The following LIN54 variants were observed in gnomAD, a reference collection of about 807,000 sequenced individuals.
LIN54 encodes the protein lin-54 DREAM MuvB core complex component.
Under a neutral mutation model 78.7 loss-of-function variants are expected in LIN54, and 9 were observed. The ratio of observed to expected loss-of-function variants is 0.11; its 90% CI spans 0.07 to 0.20. The LOEUF (loss-of-function observed/expected upper bound fraction) is 0.20, where lower values mean the gene tolerates loss of function less well. LIN54 is among the 10% of genes least tolerant of loss of function. The probability of loss-of-function intolerance (pLI) is 1.00; values close to 1 mark genes in which losing one functional copy is unlikely to be tolerated. For synonymous variants in LIN54, 269 were observed against 318.4 expected, an observed-to-expected ratio of 0.84 and a Z score of 1.65; for missense variants, 573 against 889.9, an observed-to-expected ratio of 0.64 and a Z score of 4.53.
At chr4:83,009,601 T>C (rs866383909) in intron 1 of LIN54, among the ~76,000 whole-genome samples, 1 of 152,310 alleles carries the variant, frequency 6.6e-6, no homozygotes, top group Middle Eastern at 3.4e-3. Flanking sequence ...GATAACCTAA[T>C]AAAACAGTGG....
At chr4:82,987,685 C>T (rs1727292451) in intron 1 of LIN54, among the ~76,000 whole-genome samples, 1 of 152,184 alleles carries the variant, frequency 6.6e-6, no homozygotes, top group African/African-American at 2.4e-5. Flanking sequence ...CCAGTTTCAT[C>T]CATGTCTCTG....
intron 4 of LIN54, among the ~76,000 whole-genome samples, chr4:82,968,149 TCTC>T (rs1374647062): frequency 1.3e-5 from 2 of 152,014 alleles, no homozygotes; most frequent in East Asian, 1.9e-4. Flanking sequence ...TTCAAGCAAT[TCTC>T]CTGCCTCAGC....
chr4:82,962,829 G>C (rs1254438221), intron 4 of LIN54, among the ~76,000 whole-genome samples: 3 of 151,550 alleles, frequency 2.0e-5, no homozygotes, highest in African/African-American at 7.3e-5. Flanking sequence ...AAACAATTGA[G>C]CATCCAAGAG....
Position 83,010,800 on chromosome 4 carries a change from G to A in LIN54, c.-349C>T. 3 of 1,233,672 alleles carry A rather than the reference G, an allele frequency of 2.4e-6. No homozygotes were observed. The highest frequency in any genetic ancestry group is 6.3e-5 in the East Asian group (2 of 31,692). 76.4% of individuals were successfully genotyped at this position (1,233,672 alleles called of 1,614,324 possible). A position where few individuals can be genotyped will look rare whatever the true frequency, so the allele number is the denominator to read the frequency against. On this transcript the variant is annotated 5_prime_UTR_variant, in exon 1 of 13. Coordinates refer to ENST00000340417, the MANE Select transcript of LIN54 (RefSeq NM_194282.4). ...TTCCCCGACAGCCGGAGCCCGGGCC[G>A]CCGCCGCCGCCGCCACCACCAGTAA... is the stretch of plus-strand genomic sequence containing the variant.
At chr4:82,983,007 G>GT (rs66577460) in intron 2 of LIN54, among the ~76,000 whole-genome samples, 162 of 116,940 alleles carry the variant, frequency 1.4e-3, no homozygotes, top group African/African-American at 3.2e-3. Context: ...TGCATTTCTT[G>GT]TTTTTTTTTT....
chr4:82,962,072 G>C (rs1475828975), intron 4 of LIN54, among the ~76,000 whole-genome samples: 2 of 152,138 alleles, frequency 1.3e-5, no homozygotes, highest in East Asian at 3.9e-4. Flanking sequence ...GGGAAAGAAA[G>C]AGCTCTCTAG....
At chr4:82,981,561 G>T (rs1726642232) in intron 2 of LIN54, among the ~76,000 whole-genome samples, 1 of 152,090 alleles carries the variant, frequency 6.6e-6, no homozygotes, top group Non-Finnish European at 1.5e-5. Flanking sequence ...AAATATAGAT[G>T]CATAGTTTTT....
chr4:83,005,923 A>G (rs1363548970), intron 1 of LIN54, among the ~76,000 whole-genome samples: 2 of 152,250 alleles, frequency 1.3e-5, no homozygotes, highest in African/African-American at 4.8e-5. Context: ...AATGTGGTAC[A>G]TATACACTAT....
At chr4:82,955,147 G>A (rs1224730988) in intron 4 of LIN54, among the ~76,000 whole-genome samples, 5 of 152,046 alleles carry the variant, frequency 3.3e-5, no homozygotes, top group Admixed American at 6.6e-5. Context: ...CGAAGGAGGC[G>A]GATCACTTGA....
At chr4:82,977,982 A>G (rs972018545) in intron 3 of LIN54, among the ~76,000 whole-genome samples, 1 of 152,214 alleles carries the variant, frequency 6.6e-6, no homozygotes, top group African/African-American at 2.4e-5. Context: ...AAGACAATCA[A>G]TGGCGTTTAC....
chr4:82,941,827 C>G (rs112965954), intron 5 of LIN54, among the ~76,000 whole-genome samples: 1 of 152,116 alleles, frequency 6.6e-6, no homozygotes, highest in Non-Finnish European at 1.5e-5. Context: ...GAACTAAAAA[C>G]TCAAGGATGA....
Position 82,978,928 on chromosome 4 carries a change from C to A in LIN54, c.763G>T (p.Ala255Ser). Reference protein sequence around the residue: ...LIFAKPINSKAVTGQTTQVSP... With the variant: ...LIFAKPINSKSVTGQTTQVSP... The stretch of plus-strand genomic sequence containing the variant: ...ACTTGAGTTGTCTGTCCTGTAACTG[C>A]TTTACTATTAATTGGTTTTGCAAAG... The change falls in exon 3 of 13, where the codon GCA becomes TCA. Residue 255 changes from alanine to serine, a missense_variant. Ala to Ser is a moderately conservative substitution (Grantham distance 99, BLOSUM62 1). Transcript: ENST00000340417. 1 of 1,589,660 alleles carries A rather than the reference C, an allele frequency of 6.3e-7. No individual in the cohort carries two copies. The highest frequency in any genetic ancestry group is 8.6e-7 in the Non-Finnish European group (1 of 1,161,524).
intron 1 of LIN54, among the ~76,000 whole-genome samples, chr4:83,008,167 C>T (rs1729555178): frequency 1.3e-5 from 2 of 152,150 alleles, no homozygotes; most frequent in South Asian, 4.1e-4. Flanking sequence ...TTATCCTACA[C>T]TAAGTTACAT....
chr4:82,932,751 G>C (rs1722073010), intron 11 of LIN54, among the ~76,000 whole-genome samples: 1 of 151,980 alleles, frequency 6.6e-6, no homozygotes, highest in Non-Finnish European at 1.5e-5. Context: ...CTTGAACCCG[G>C]GAGGCGGAGG....
At chr4:83,008,139 A>G (rs1477359132) in intron 1 of LIN54, among the ~76,000 whole-genome samples, 1 of 152,112 alleles carries the variant, frequency 6.6e-6, no homozygotes, top group Non-Finnish European at 1.5e-5. Flanking sequence ...CTTCTGAAGT[A>G]TATCTCTGAG....
chr4:82,968,055 T>C (rs1578567554), intron 4 of LIN54, among the ~76,000 whole-genome samples: 2 of 152,062 alleles, frequency 1.3e-5, no homozygotes, highest in African/African-American at 4.8e-5. Flanking sequence ...TTTTTTTTTT[T>C]CTGGAGACAA....
chr4:82,935,433 C>A (rs1057142199), intron 11 of LIN54, among the ~76,000 whole-genome samples: 2 of 151,790 alleles, frequency 1.3e-5, no homozygotes, highest in African/African-American at 4.8e-5. Flanking sequence ...GGATTACAGG[C>A]ACCTGCCACC....
chr4:82,965,582 A>G (rs1725135376), intron 4 of LIN54, among the ~76,000 whole-genome samples: 1 of 152,220 alleles, frequency 6.6e-6, no homozygotes, highest in African/African-American at 2.4e-5. Context: ...CAAGGAGATA[A>G]AAGGAACATT....
In LIN54 at chr4:82,984,777, A is replaced by G. The variant is rs1245088382; in HGVS notation, c.68T>C (p.Leu23Ser). 4 of 1,613,840 alleles carry G rather than the reference A, an allele frequency of 2.5e-6. No individual in the cohort carries two copies. The highest frequency in any genetic ancestry group is 1.3e-5 in the African/African-American group (1 of 74,932). Residue 23 changes from leucine to serine, a missense_variant, in exon 2 of 13, where the codon TTA (leucine) becomes TCA (serine). By Grantham distance (145) the Leu-to-Ser change is moderately radical (BLOSUM62 -2). Coordinates refer to ENST00000340417, the MANE Select transcript of LIN54 (RefSeq NM_194282.4). ...AGCCTCAATACTATCATCATCCACTAAAGTTATACCAGTGTCCATTATTTC... is the reference window on the plus strand; with the variant it reads ...AGCCTCAATACTATCATCATCCACTGAAGTTATACCAGTGTCCATTATTTC... ...PEEIMDTGIT[L>S]VDDDSIEAVI...
Sources: gnomAD v4.1 joint callset for allele counts (sites outside exome capture counted in the v4.1 genomes callset) on GRCh38, gnomAD v4.1.1 for gene constraint, MANE v1.5 for transcripts, NCBI Gene and HGNC (gene_info 2026-07-23, HGNC 2026-07-21) for gene names.